SGCZ: variants seen among roughly 807,000 people sequenced by gnomAD.
The protein encoded by SGCZ is zeta-sarcoglycan.
In SGCZ, 40 loss-of-function variants were observed where a neutral mutation model predicts 41.3. That is an observed-to-expected ratio of 0.97 (90% CI 0.75 to 1.26). SGCZ has a LOEUF of 1.26. SGCZ is among the 50% of genes most tolerant of loss of function. The pLI is 0.00. For synonymous variants in SGCZ, 206 were observed against 137.5 expected, an observed-to-expected ratio of 1.50 and a Z score of -3.49; for missense variants, 552 against 369.8, an observed-to-expected ratio of 1.49 and a Z score of -4.04.
At chr8:14,118,485 C>A (rs1363798452) in intron 5 of SGCZ, among the ~76,000 whole-genome samples, 3 of 152,132 alleles carry the variant, frequency 2.0e-5, no homozygotes, top group Admixed American at 6.5e-5. Flanking sequence ...AAAGAGATTG[C>A]AAAAACTTTC....
At chr8:15,002,942 T>C (rs1004116942) in intron 1 of SGCZ, among the ~76,000 whole-genome samples, 3 of 152,094 alleles carry the variant, frequency 2.0e-5, no homozygotes, top group African/African-American at 7.2e-5. Flanking sequence ...TTATAGTGAA[T>C]ACATCTCACA....
At chr8:15,133,538 G>A (rs1585597839) in intron 1 of SGCZ, among the ~76,000 whole-genome samples, 2 of 152,078 alleles carry the variant, frequency 1.3e-5, no homozygotes, top group South Asian at 4.1e-4. Context: ...TCTTCTCTGG[G>A]ACTCTTTCAG....
At chr8:15,121,511 C>T (rs934590540) in intron 1 of SGCZ, among the ~76,000 whole-genome samples, 5 of 152,172 alleles carry the variant, frequency 3.3e-5, no homozygotes, top group Admixed American at 2.0e-4. Context: ...GCAAAAAACC[C>T]ACCCATAAGA....
At chr8:14,237,401 C>T (rs559692009) in intron 4 of SGCZ, among the ~76,000 whole-genome samples, 191 bp downstream of exon 4, 9 of 151,924 alleles carry the variant, frequency 5.9e-5, no homozygotes, top group South Asian at 2.1e-4. Flanking sequence ...GCCAGATGAC[C>T]CCGATTGCTT....
intron 2 of SGCZ, among the ~76,000 whole-genome samples, chr8:14,414,685 C>A (rs1198602792): frequency 6.6e-6 from 1 of 151,920 alleles, no homozygotes; most frequent in African/African-American, 2.4e-5. Context: ...AATAGCATAA[C>A]AATAAGCTTG....
intron 1 of SGCZ, among the ~76,000 whole-genome samples, chr8:14,882,223 T>C (rs916580271): frequency 6.6e-6 from 1 of 152,184 alleles, no homozygotes; most frequent in African/African-American, 2.4e-5. Context: ...CATCTGGGGA[T>C]TATCTGCTCA....
intron 1 of SGCZ, among the ~76,000 whole-genome samples, chr8:14,629,150 T>A (rs994592620): frequency 3.3e-5 from 5 of 152,158 alleles, no homozygotes; most frequent in Admixed American, 3.3e-4. Context: ...CAGGTAGTCA[T>A]ACCTGAAGTC....
At chr8:14,977,832 T>G (rs904275882) in intron 1 of SGCZ, among the ~76,000 whole-genome samples, 1 of 151,770 alleles carries the variant, frequency 6.6e-6, no homozygotes, top group African/African-American at 2.4e-5. Flanking sequence ...CTAAAAATAT[T>G]CATCATATCA....
chr8:15,011,640 C>T (rs1802830847), intron 1 of SGCZ, among the ~76,000 whole-genome samples: 1 of 152,074 alleles, frequency 6.6e-6, no homozygotes, highest in Admixed American at 6.6e-5. Context: ...TAAATTCTTC[C>T]ATCATGTATT....
chr8:14,819,014 G>A (rs143304631), intron 1 of SGCZ, among the ~76,000 whole-genome samples: 5 of 151,990 alleles, frequency 3.3e-5, no homozygotes, highest in African/African-American at 7.3e-5. Flanking sequence ...AACATTCTAT[G>A]TATTGGGATA....
intron 2 of SGCZ, among the ~76,000 whole-genome samples, chr8:14,437,699 A>T (rs28700027): frequency 0.056 from 8,459 of 151,944 alleles, 402 homozygotes; most frequent in African/African-American, 0.13. Flanking sequence ...CATGTTTAGA[A>T]TTGATAAATA....
intron 3 of SGCZ, among the ~76,000 whole-genome samples, chr8:14,312,788 G>A (rs1217663447): frequency 6.6e-6 from 1 of 152,102 alleles, no homozygotes; most frequent in Non-Finnish European, 1.5e-5. Flanking sequence ...AATATGATAT[G>A]GCTCCATGTT....
chr8:14,593,045 A>G (rs2117289909), intron 1 of SGCZ, among the ~76,000 whole-genome samples: 1 of 152,252 alleles, frequency 6.6e-6, no homozygotes, highest in East Asian at 1.9e-4. Flanking sequence ...AATAATATCA[A>G]CCACACCTGC....
chr8:14,895,321 T>C (rs998171956), intron 1 of SGCZ, among the ~76,000 whole-genome samples: 1 of 152,124 alleles, frequency 6.6e-6, no homozygotes, highest in East Asian at 1.9e-4. Flanking sequence ...GGGGCCAAAA[T>C]TGAATAGCTG....
In SGCZ at chr8:14,888,466, G is replaced by T. The variant is rs188161405; in HGVS notation, c.40-333540C>A. Among the ~76,000 whole-genome samples, 95 of 152,220 alleles carry T rather than the reference G, an allele frequency of 6.2e-4. 1 individual carries two copies. Among genetic ancestry groups the T allele is most frequent in the Middle Eastern group, 3.4e-3 (1 of 294 alleles). ...CAAAGCAATGTAGAATGCAGGAAAA[G>T]AAGTGAAAGAATATAGAAAGAAAGT... is the stretch of plus-strand genomic sequence containing the variant. On this transcript the variant is annotated intron_variant, in intron 1 of 7. Coordinates refer to ENST00000382080, the MANE Select transcript of SGCZ (RefSeq NM_139167.4).
intron 3 of SGCZ, among the ~76,000 whole-genome samples, chr8:14,272,494 G>A (rs1489344381): frequency 1.3e-5 from 2 of 152,154 alleles, no homozygotes; most frequent in Non-Finnish European, 2.9e-5. Context: ...TGGGGTGAAT[G>A]ACTTAATGTT....
At chr8:14,946,001 TCC>T (rs1183004246) in intron 1 of SGCZ, among the ~76,000 whole-genome samples, 11 of 83,846 alleles carry the variant, frequency 1.3e-4, no homozygotes, top group South Asian at 4.7e-4. Context: ...CTACTAAATG[TCC>T]CCATATATAT....
rs545400041 is a variant in SGCZ, at chr8:15,198,439, C to A, written c.39+39146G>T. Among the ~76,000 whole-genome samples the A allele has an allele frequency of 3.9e-5, 6 of 152,220 alleles. No individual in the cohort carries two copies. The East Asian group carries it at 7.7e-4, about 20-fold the overall frequency. The stretch of plus-strand genomic sequence containing the variant: ...TTATTCTAGTCTATCCTATACTACT[C>A]ATTCTAATAAGAAGCTATTGAAAAT... On this transcript the variant is annotated intron_variant, in intron 1 of 7. Coordinates refer to ENST00000382080, the MANE Select transcript of SGCZ (RefSeq NM_139167.4).
intron 1 of SGCZ, among the ~76,000 whole-genome samples, chr8:15,202,551 A>G (rs994328504): frequency 2.0e-5 from 3 of 152,198 alleles, no homozygotes. Flanking sequence ...GGTACAATGT[A>G]CACTTCTTGG....
Sources: gnomAD v4.1 joint callset for allele counts (sites outside exome capture counted in the v4.1 genomes callset) on GRCh38, gnomAD v4.1.1 for gene constraint, MANE v1.5 for transcripts, NCBI Gene and HGNC (gene_info 2026-07-23, HGNC 2026-07-21) for gene names.